Variants in DDX24 observed in about 807,000 individuals in gnomAD.
DDX24 encodes ATP-dependent RNA helicase DDX24.
Under a neutral mutation model 68.9 loss-of-function variants are expected in DDX24, and 24 were observed. The ratio of observed to expected loss-of-function variants is 0.35; its 90% CI spans 0.25 to 0.49. DDX24 has a LOEUF of 0.49. Among genes scored for constraint, DDX24 ranks in the 20% least tolerant of loss-of-function variants. The pLI, the probability that DDX24 is intolerant of heterozygous loss-of-function variation, is 0.99. For synonymous variants in DDX24, 395 were observed against 385.2 expected (o/e 1.03, Z -0.30); for missense variants, 989 against 1,039.0 (o/e 0.95, Z 0.66).
At position 94,049,129 on chromosome 14, in the gene DDX24, T is replaced by C. The variant is rs920281879; in HGVS notation, c.*2062A>G. On this transcript the variant is annotated 3_prime_UTR_variant, in exon 9 of 9. Coordinates refer to ENST00000621632, the MANE Select transcript of DDX24 (RefSeq NM_020414.4). ...GTAGCACTGCTTGGAAGGCTGCTCC[T>C]GCCTTTTAAAGCCTGTCTACGTATT... 6.6e-6 allele frequency: 1 copy of C among 152,272 alleles called. No individual in the cohort carries two copies. The highest frequency in any genetic ancestry group is 2.4e-5 in the African/African-American group (1 of 41,456). The allele number at this position is 152,272 out of a possible 1,614,324, so 9.4% of individuals were successfully genotyped here.
Position 94,060,695 on chromosome 14 carries a change from A to ACAC in DDX24, c.1398-83_1398-82insGTG, listed in dbSNP as rs1567058826. The ACAC allele has an allele frequency of 4.1e-6, 6 of 1,464,266 alleles. No homozygotes were observed. In the African/African-American group the frequency reaches 8.5e-5, roughly 21 times the overall value. The allele number at this position is 1,464,266 out of a possible 1,614,324, so 90.7% of individuals were successfully genotyped here. A position where few individuals can be genotyped will look rare whatever the true frequency, so the allele number is the denominator to read the frequency against. ...TATAGCACACCCTACACTCATCCTA[A>ACAC]ACACACACACACACACACGTACACA... On this transcript the variant is annotated intron_variant, in intron 4 of 8. Transcript: ENST00000621632.
rs753310673 is a variant in DDX24, at chr14:94,055,150, C to G, written c.2024G>C (p.Ser675Thr). The part of the protein sequence containing the change: ...PRTSEIYVHR[S>T]GRTARATNEG... The stretch of plus-strand genomic sequence containing the variant: ...ATTGGTAGCTCGAGCAGTTCGACCA[C>G]TTCGGTGGACATAAATCTCCGAGGT... Residue 675 changes from serine to threonine, a missense_variant, in exon 7 of 9, where the codon AGT becomes ACT. Transcript: ENST00000621632. 1 of 1,613,936 alleles carries G rather than the reference C, an allele frequency of 6.2e-7. No homozygotes were observed. The highest frequency in any genetic ancestry group is 1.3e-5 in the African/African-American group (1 of 74,930).
In DDX24 at chr14:94,079,095, T is replaced by C. The variant is rs1318500512; in HGVS notation, c.648A>G (p.Thr216=). The C allele has an allele frequency of 6.2e-7, 1 of 1,614,052 alleles. No homozygotes were observed. Residue 216 remains threonine (T), a synonymous_variant, in exon 2 of 9, where the codon ACA becomes ACG. Transcript: ENST00000621632. ...ALSFLGFSAP[T]PIQALTLAPA... ...GTGCCAAGGTCAGGGCTTGGATTGGTGTGGGTGCAGAGAAGCCTAGAAAGC... is the reference window on the plus strand; with the variant it reads ...GTGCCAAGGTCAGGGCTTGGATTGGCGTGGGTGCAGAGAAGCCTAGAAAGC...
At chr14:94,080,270 G>A (rs1340486974) in intron 1 of DDX24, among the ~76,000 whole-genome samples, 3 of 152,184 alleles carry the variant, frequency 2.0e-5, no homozygotes, top group Non-Finnish European at 2.9e-5. Flanking sequence ...CCTTGCCTGA[G>A]AGAGCAAATG....
rs369408175 is a variant in DDX24 at position 94,062,611 on chromosome 14, T to C, written c.729A>G (p.Lys243=). Reference sequence around the variant, plus strand: ...TCATTGGGATGGCAAAGGCAAGAGTTTTCCCACTTCCTTAAAAGTAAAAAA... The same window carrying C: ...TCATTGGGATGGCAAAGGCAAGAGTCTTCCCACTTCCTTAAAAGTAAAAAA... ...ILGAAETGSG[K]TLAFAIPMIH... The change falls in exon 3 of 9, where the codon AAA becomes AAG. Residue 243 remains lysine (K), a synonymous_variant. Coordinates refer to ENST00000621632, the MANE Select transcript of DDX24 (RefSeq NM_020414.4). 2.8e-5 allele frequency: 44 copies of C among 1,591,514 alleles called. 1 individual carries two copies. In the African/African-American group the frequency reaches 5.0e-4, roughly 18 times the overall value.
chr14:94,051,323 C>A lies in DDX24; in HGVS notation c.2448G>T (p.Pro816=). The A allele has an allele frequency of 5.0e-6, 8 of 1,613,126 alleles. No homozygotes were observed. The highest frequency in any genetic ancestry group is 6.8e-6 in the Non-Finnish European group (8 of 1,179,802). The stretch of plus-strand genomic sequence containing the variant: ...TACTTGGGGCAGACACAAGCAGGGG[C>A]GGCTTGCCAGACTGAGTGGGATACT... ...KTKYPTQSGK[P]PLLVSAPSKS... The change falls in exon 9 of 9, where the codon CCG becomes CCT. Residue 816 remains proline (P), a synonymous_variant. Transcript: ENST00000621632.
At chr14:94,073,070 CAATT>C (rs762646904) in intron 2 of DDX24, among the ~76,000 whole-genome samples, 50 of 147,504 alleles carry the variant, frequency 3.4e-4, no homozygotes, top group Non-Finnish European at 5.9e-4. Flanking sequence ...CTCAGTAACT[CAATT>C]AATTTTCTTT....
At chr14:94,054,470 T>C (rs928915292) in intron 7 of DDX24, among the ~76,000 whole-genome samples, 1 of 152,212 alleles carries the variant, frequency 6.6e-6, no homozygotes, top group Non-Finnish European at 1.5e-5. Flanking sequence ...AATTCCATAC[T>C]GCTCCACTGT....
In DDX24 at chr14:94,051,407, C is replaced by T. The variant is rs1472385973; in HGVS notation, c.2364G>A (p.Leu788=). The change falls in exon 9 of 9, where the codon CTG becomes CTA. Residue 788 remains leucine, a synonymous_variant. Transcript: ENST00000621632. ...ERRRQKQMKV[L]KKELRHLLSQ... ...ACAGCAGGTGGCGCAGCTCCTTCTT[C>T]AGAACCTTCATCTGCTTTTGTCTCC... is the stretch of plus-strand genomic sequence containing the variant. The T allele has an allele frequency of 6.3e-7, 1 of 1,599,262 alleles. No homozygotes were observed. The highest frequency in any genetic ancestry group is 8.5e-7 in the Non-Finnish European group (1 of 1,174,360).
intron 3 of DDX24, 100 bp from the exon 4 acceptor site, chr14:94,061,166 C>T: frequency 7.2e-7 from 1 of 1,387,674 alleles, no homozygotes; most frequent in Non-Finnish European, 1.0e-6. Flanking sequence ...CAGACATCAG[C>T]ACAGTGTAAT....
chr14:94,058,817 G>A (rs191996848), intron 5 of DDX24, among the ~76,000 whole-genome samples: 1 of 152,308 alleles, frequency 6.6e-6, no homozygotes, highest in Admixed American at 6.5e-5. Flanking sequence ...TCTGTAAAGA[G>A]CCAGAGAGCA....
chr14:94,057,085 T>G (rs564721294), intron 6 of DDX24: 2 of 152,224 alleles, frequency 1.3e-5, no homozygotes, highest in Admixed American at 1.3e-4. Flanking sequence ...GATAACCCTA[T>G]GGGGTAGCTA....
At chr14:94,052,849 C>T (rs1595372234) in intron 8 of DDX24, 149 bp downstream of exon 8, 1 of 1,110,166 alleles carries the variant, frequency 9.0e-7, no homozygotes, top group Non-Finnish European at 1.3e-6. Flanking sequence ...GGGCAGTAGG[C>T]TCACCTGGGA....
At chr14:94,058,618 T>C (rs533883659) in intron 5 of DDX24, among the ~76,000 whole-genome samples, 5 of 152,112 alleles carry the variant, frequency 3.3e-5, no homozygotes, top group African/African-American at 1.2e-4. Flanking sequence ...TTGATAAATG[T>C]GTTGGATGAT....
chr14:94,070,538 G>A (rs1595378833), intron 2 of DDX24, among the ~76,000 whole-genome samples: 1 of 152,080 alleles, frequency 6.6e-6, no homozygotes, highest in Non-Finnish European at 1.5e-5. Context: ...CCAAAAAAGA[G>A]CCTGCATAGC....
chr14:94,074,245 G>A lies in DDX24; in HGVS notation c.718+4780C>T, dbSNP rs147552732. Among the ~76,000 whole-genome samples, 1,397 of 152,174 alleles carry A rather than the reference G, an allele frequency of 9.2e-3. 16 individuals carry two copies. Among genetic ancestry groups the A allele is most frequent in the Middle Eastern group, 0.02 (6 of 294 alleles). On this transcript the variant is annotated intron_variant, in intron 2 of 8. Coordinates refer to ENST00000621632, the MANE Select transcript of DDX24 (RefSeq NM_020414.4). Reference sequence around the variant, plus strand: ...AGAATACTTCAGAAATCATTCTGAAGCTACATTACTGATTCCAACACCAAA... The same window carrying A: ...AGAATACTTCAGAAATCATTCTGAAACTACATTACTGATTCCAACACCAAA...
chr14:94,056,816 T>C (rs1885500391), intron 6 of DDX24: 1 of 152,144 alleles, frequency 6.6e-6, no homozygotes, highest in Non-Finnish European at 1.5e-5. Context: ...ACCCAGCTGG[T>C]GGCTGCTGCT....
intron 2 of DDX24, among the ~76,000 whole-genome samples, chr14:94,065,115 T>C (rs1202432790): frequency 6.6e-6 from 1 of 150,942 alleles, no homozygotes; most frequent in Admixed American, 6.6e-5. Flanking sequence ...AGTGGTACAA[T>C]CTCAGCTCAC....
chr14:94,072,519 G>A (rs889583344), intron 2 of DDX24, among the ~76,000 whole-genome samples: 9 of 152,302 alleles, frequency 5.9e-5, no homozygotes, highest in Admixed American at 1.3e-4. Flanking sequence ...TCGGGTGATA[G>A]GTGCACCAAA....
Sources: allele counts gnomAD v4.1 joint callset (sites outside exome capture counted in the v4.1 genomes callset), GRCh38; gene constraint gnomAD v4.1.1; transcripts MANE v1.5; gene names NCBI Gene and HGNC (gene_info 2026-07-23, HGNC 2026-07-21).